Variants in LTBP1 observed in about 807,000 individuals in gnomAD.
LTBP1 encodes the protein latent transforming growth factor beta binding protein 1, also known as latent-transforming growth factor beta-binding protein 1.
A neutral mutation model predicts 207.6 loss-of-function variants in LTBP1; 129 were observed. The observed-to-expected ratio is 0.62, with a 90% CI of 0.54 to 0.72. LTBP1 has a LOEUF of 0.72. LTBP1 is among the 30% of genes least tolerant of loss of function. The probability of loss-of-function intolerance (pLI) is 0.00; values close to 1 mark genes in which losing one functional copy is unlikely to be tolerated. For synonymous variants in LTBP1, 963 were observed against 833.7 expected, an observed-to-expected ratio of 1.16 and a Z score of -2.67; for missense variants, 2,281 against 2,217.2, an observed-to-expected ratio of 1.03 and a Z score of -0.58.
At chr2:33,082,686 A>G (rs928162240) in intron 3 of LTBP1, among the ~76,000 whole-genome samples, 4 of 151,960 alleles carry the variant, frequency 2.6e-5, no homozygotes, top group Non-Finnish European at 4.4e-5. Flanking sequence ...CAGCCTCCCA[A>G]AGTGCCGGGA....
Position 33,079,603 on chromosome 2 carries a change from C to G in LTBP1, c.864-30979C>G, listed in dbSNP as rs146322513. On this transcript the variant is annotated intron_variant, in intron 3 of 33. Coordinates refer to ENST00000404816, the MANE Select transcript of LTBP1 (RefSeq NM_206943.4). ...TGAAACTTGTAGTAATAGAAGGACC[C>G]ATTTTTCCTTCTGTGAAGGACCCAT... is the stretch of plus-strand genomic sequence containing the variant. Among the ~76,000 whole-genome samples the G allele has an allele frequency of 2.2e-3, 334 of 152,184 alleles. 2 individuals carry two copies. The highest frequency in any genetic ancestry group is 7.7e-3 in the African/African-American group (318 of 41,522).
intron 15 of LTBP1, among the ~76,000 whole-genome samples, chr2:33,268,220 C>T (rs1364792560): frequency 6.6e-6 from 1 of 152,164 alleles, no homozygotes; most frequent in East Asian, 1.9e-4. Context: ...ATGTTCCCAT[C>T]GGTTTCATAT....
At chr2:33,319,687 TCCGG>T (rs1490097633) in intron 24 of LTBP1, among the ~76,000 whole-genome samples, 7 of 151,684 alleles carry the variant, frequency 4.6e-5, no homozygotes, top group Non-Finnish European at 8.8e-5. Context: ...TGCCGTGGAG[TCCGG>T]CACACCCCCC....
chr2:33,302,077 A>C (rs2093997348), intron 22 of LTBP1, among the ~76,000 whole-genome samples: 2 of 152,236 alleles, frequency 1.3e-5, no homozygotes, highest in Admixed American at 6.5e-5. Context: ...TATTTCTGAA[A>C]GATATCCCAC....
At chr2:33,387,249 A>G (rs1243827708) in intron 31 of LTBP1, among the ~76,000 whole-genome samples, 5 of 152,346 alleles carry the variant, frequency 3.3e-5, no homozygotes, top group Admixed American at 2.0e-4. Context: ...ATAATGGGAG[A>G]AGATGACCTC....
chr2:33,337,980 A>T (rs1173372947), intron 24 of LTBP1, among the ~76,000 whole-genome samples: 2 of 152,358 alleles, frequency 1.3e-5, no homozygotes, highest in African/African-American at 4.8e-5. Flanking sequence ...ATGGAAAAAT[A>T]TCTCAGAGAG....
chr2:33,047,085 T>C (rs2076486117), intron 3 of LTBP1, among the ~76,000 whole-genome samples: 1 of 152,226 alleles, frequency 6.6e-6, no homozygotes, highest in Non-Finnish European at 1.5e-5. Flanking sequence ...ATTGATTTTT[T>C]GAAGGGTTTT....
At chr2:33,079,691 C>A (rs2078286964) in intron 3 of LTBP1, among the ~76,000 whole-genome samples, 1 of 152,164 alleles carries the variant, frequency 6.6e-6, no homozygotes, top group Non-Finnish European at 1.5e-5. Context: ...CAGTTCTGGT[C>A]CTGCACCCTC....
At chr2:33,277,809 CTTTTTT>C (rs1159456025) in intron 18 of LTBP1, among the ~76,000 whole-genome samples, 11 of 105,712 alleles carry the variant, frequency 1.0e-4, no homozygotes, top group African/African-American at 3.7e-4. Flanking sequence ...CTCTCTCTTT[CTTTTTT>C]TCTTTCTTTC....
chr2:33,098,587 C>G (rs2079527840), intron 3 of LTBP1, among the ~76,000 whole-genome samples: 1 of 151,976 alleles, frequency 6.6e-6, no homozygotes, highest in Non-Finnish European at 1.5e-5. Context: ...CGCATGCCAC[C>G]ACACCCAGTG....
chr2:33,248,497 C>T (rs817534), intron 10 of LTBP1, among the ~76,000 whole-genome samples: 96,388 of 152,022 alleles, frequency 0.63, 31,463 homozygotes, highest in East Asian at 0.91. Context: ...GGAGAACTGA[C>T]ATTTTAATCT....
intron 10 of LTBP1, among the ~76,000 whole-genome samples, chr2:33,247,264 A>T (rs1558879734): frequency 6.6e-6 from 1 of 152,204 alleles, no homozygotes; most frequent in Non-Finnish European, 1.5e-5. Context: ...AATTAAGTAC[A>T]TCATTCATTT....
intron 2 of LTBP1, among the ~76,000 whole-genome samples, chr2:32,957,828 T>C (rs901242200): frequency 6.6e-6 from 1 of 152,226 alleles, no homozygotes; most frequent in Admixed American, 6.5e-5. Flanking sequence ...TACATGCATA[T>C]ACTGATGTGT....
chr2:33,243,911 T>TA (rs1376071260), intron 10 of LTBP1, 127 bp downstream of exon 10: 1 of 1,084,408 alleles, frequency 9.2e-7, no homozygotes, highest in African/African-American at 1.6e-5. Flanking sequence ...TTAATTAAAA[T>TA]AACAAGCAAG....
chr2:32,977,938 T>G (rs1682082833), intron 2 of LTBP1, among the ~76,000 whole-genome samples: 1 of 152,242 alleles, frequency 6.6e-6, no homozygotes, highest in South Asian at 2.1e-4. Context: ...TTTCACTGCT[T>G]GGGTTAATTC....
chr2:32,959,659 C>T (rs560269451), intron 2 of LTBP1, among the ~76,000 whole-genome samples: 66 of 105,490 alleles, frequency 6.3e-4, no homozygotes, highest in African/African-American at 2.0e-3. Flanking sequence ...CTTGCTTTGT[C>T]GCCCAGGCTC....
chr2:32,998,430 C>T (rs1289485467), intron 2 of LTBP1, among the ~76,000 whole-genome samples: 1 of 137,024 alleles, frequency 7.3e-6, no homozygotes, highest in Non-Finnish European at 1.5e-5. Flanking sequence ...GCAGGAGAAT[C>T]GCTTGAACCC....
chr2:33,090,520 C>T (rs1446470650), intron 3 of LTBP1, among the ~76,000 whole-genome samples: 3 of 152,078 alleles, frequency 2.0e-5, no homozygotes, highest in Non-Finnish European at 2.9e-5. Flanking sequence ...AAATGCTGTT[C>T]GTGAATTACC....
At chr2:33,211,922 T>C (rs2090342635) in intron 7 of LTBP1, among the ~76,000 whole-genome samples, 2 of 152,158 alleles carry the variant, frequency 1.3e-5, no homozygotes, top group African/African-American at 4.8e-5. Flanking sequence ...ACTTTGAATA[T>C]CAGGGAAGTG....
Sources: allele counts gnomAD v4.1 joint callset (sites outside exome capture counted in the v4.1 genomes callset), GRCh38; gene constraint gnomAD v4.1.1; transcripts MANE v1.5; gene names NCBI Gene and HGNC (gene_info 2026-07-23, HGNC 2026-07-21).